Variants in ZFP64 observed in about 807,000 individuals in gnomAD.
ZFP64 encodes the protein ZFP64 zinc finger protein.
ZFP64 carries 14 observed loss-of-function variants against 51.6 expected under a neutral mutation model. The observed-to-expected ratio is 0.27, with a 90% CI of 0.18 to 0.42. The LOEUF (loss-of-function observed/expected upper bound fraction) is 0.42, where lower values mean the gene tolerates loss of function less well. ZFP64 is among the 10% of genes least tolerant of loss of function. The pLI is 1.00. For synonymous variants in ZFP64, 375 were observed against 361.4 expected (o/e 1.04, Z -0.43); for missense variants, 754 against 906.8 (o/e 0.83, Z 2.16).
At chr20:52,117,576 G>A (rs530091732) in intron 5 of ZFP64, 12 of 447,870 alleles carry the variant, frequency 2.7e-5, no homozygotes, top group Admixed American at 7.2e-5. Context: ...CTGAGATCGC[G>A]CCATTGCACT....
At chr20:52,131,283 AAAAG>A (rs982262059) in intron 5 of ZFP64, among the ~76,000 whole-genome samples, 12 of 151,878 alleles carry the variant, frequency 7.9e-5, no homozygotes, top group African/African-American at 2.9e-4. Context: ...GAGAAGAAAG[AAAAG>A]AAAGAAAGCA....
intron 5 of ZFP64, among the ~76,000 whole-genome samples, chr20:52,133,563 A>G (rs1216399765): frequency 1.3e-5 from 2 of 152,250 alleles, no homozygotes; most frequent in African/African-American, 2.4e-5. Flanking sequence ...CTATACGCCA[A>G]CAGTGAACAA....
chr20:52,135,567 G>C (rs1215650848), intron 5 of ZFP64, among the ~76,000 whole-genome samples: 1 of 151,950 alleles, frequency 6.6e-6, no homozygotes, highest in Admixed American at 6.6e-5. Flanking sequence ...GCTCACTGCA[G>C]CATTGACGTC....
intron 5 of ZFP64, among the ~76,000 whole-genome samples, chr20:52,135,072 C>T (rs1979904156): frequency 6.6e-6 from 1 of 152,122 alleles, no homozygotes; most frequent in African/African-American, 2.4e-5. Flanking sequence ...CCATGTTGCC[C>T]AGGCTGGTCT....
At chr20:52,140,170 TCC>T (rs1241996348) in intron 5 of ZFP64, among the ~76,000 whole-genome samples, 1 of 152,118 alleles carries the variant, frequency 6.6e-6, no homozygotes, top group Non-Finnish European at 1.5e-5. Context: ...TATTTGAGCT[TCC>T]CTATTCCCTG....
intron 5 of ZFP64, chr20:52,110,713 G>T: frequency 6.3e-7 from 1 of 1,583,916 alleles, no homozygotes; most frequent in Admixed American, 1.7e-5. Context: ...GCGCTGGATG[G>T]CTCCAACCTT....
chr20:52,150,042 A>G (rs1268494335), downstream of ZFP64, among the ~76,000 whole-genome samples: 2 of 152,010 alleles, frequency 1.3e-5, no homozygotes, highest in Non-Finnish European at 2.9e-5. Context: ...TGTCTCTACT[A>G]AAAATACAAA....
At chr20:52,164,822 T>C (rs545463865) in intron 3 of ZFP64, 65 bp from the exon 4 acceptor site, 27 of 1,355,410 alleles carry the variant, frequency 2.0e-5, no homozygotes, top group Non-Finnish European at 2.7e-5. Context: ...TGGAGAAAAC[T>C]GGTAGAAACA....
downstream of ZFP64, among the ~76,000 whole-genome samples, chr20:52,148,831 C>T (rs572144840): frequency 3.9e-5 from 6 of 152,096 alleles, no homozygotes; most frequent in South Asian, 1.2e-3. Flanking sequence ...TCTTAGAAAA[C>T]ACACGTGCCA....
At chr20:52,093,958 A>T (rs1281583084) in intron 7 of ZFP64, among the ~76,000 whole-genome samples, 1 of 152,218 alleles carries the variant, frequency 6.6e-6, no homozygotes, top group Admixed American at 6.5e-5. Flanking sequence ...TCACAATATG[A>T]TTTTTTTAAA....
intron 5 of ZFP64, among the ~76,000 whole-genome samples, chr20:52,121,138 C>T (rs1265389594): frequency 6.6e-6 from 1 of 152,120 alleles, no homozygotes; most frequent in African/African-American, 2.4e-5. Context: ...CTTTCTATTC[C>T]CTGAGACACA....
At chr20:52,106,094 G>A (rs769170549) in intron 5 of ZFP64, among the ~76,000 whole-genome samples, 12 of 152,316 alleles carry the variant, frequency 7.9e-5, no homozygotes, top group South Asian at 4.1e-4. Flanking sequence ...CCCGCCCCGT[G>A]ACTCGGGCGC....
chr20:52,142,245 G>C (rs1980290465), intron 5 of ZFP64, among the ~76,000 whole-genome samples: 1 of 152,062 alleles, frequency 6.6e-6, no homozygotes, highest in Non-Finnish European at 1.5e-5. Flanking sequence ...GCATGTGCCT[G>C]TGATCCCAGC....
chr20:52,097,312 G>A lies in ZFP64; in HGVS notation c.976+61C>T, dbSNP rs116267345. ...TCCTGTTCATTACTGTGTCCCTAGC[G>A]CTTAATTCACATTCACGTCCCATCT... On this transcript the variant is annotated intron_variant, in intron 7 of 8. Transcript: ENST00000361387. 9.5e-4 allele frequency: 1,477 copies of A among 1,551,362 alleles called. 22 individuals carry two copies. The African/African-American group carries it at 0.017, about 18-fold the overall frequency.
chr20:52,112,037 G>A (rs992221605), intron 5 of ZFP64, among the ~76,000 whole-genome samples: 7 of 145,764 alleles, frequency 4.8e-5, no homozygotes, highest in African/African-American at 1.5e-4. Context: ...AGCCAAAATC[G>A]TGCCACTGCA....
intron 5 of ZFP64, among the ~76,000 whole-genome samples, chr20:52,140,972 T>A (rs868842592): frequency 6.6e-6 from 1 of 152,140 alleles, no homozygotes; most frequent in Non-Finnish European, 1.5e-5. Flanking sequence ...CCCTTAAGAA[T>A]GAGGCTAAAT....
intron 5 of ZFP64, among the ~76,000 whole-genome samples, chr20:52,109,780 C>CAAAAAAAAAAAAAAAAAAA (rs779914417): frequency 2.2e-5 from 1 of 46,124 alleles, no homozygotes; most frequent in Non-Finnish European, 4.5e-5. Context: ...AATTCCACCT[C>CAAAAAAAAAAAAAAAAAAA]AAAAAAAAAA....
chr20:52,137,925 C>T (rs912691935), intron 5 of ZFP64, among the ~76,000 whole-genome samples: 1 of 152,012 alleles, frequency 6.6e-6, no homozygotes, highest in Admixed American at 6.6e-5. Flanking sequence ...CCTCTAATCC[C>T]AGCACTCTGG....
intron 7 of ZFP64, among the ~76,000 whole-genome samples, chr20:52,091,282 G>A (rs1304278887): frequency 6.7e-6 from 1 of 149,732 alleles, no homozygotes; most frequent in Admixed American, 6.6e-5. Context: ...AGGATTGCTT[G>A]AGGCCGGAAG....
Sources: gnomAD v4.1 joint callset for allele counts (sites outside exome capture counted in the v4.1 genomes callset) on GRCh38, gnomAD v4.1.1 for gene constraint, MANE v1.5 for transcripts, NCBI Gene and HGNC (gene_info 2026-07-23, HGNC 2026-07-21) for gene names.